Variants in CSMD1 observed in about 807,000 individuals in gnomAD.
The protein encoded by CSMD1 is CUB and Sushi multiple domains 1, also known as CUB and sushi domain-containing protein 1.
In CSMD1, 213 loss-of-function variants were observed where a neutral mutation model predicts 417.5. That is an observed-to-expected ratio of 0.51 (90% confidence interval 0.46 to 0.57). CSMD1 has a LOEUF of 0.57. CSMD1 is among the 20% of genes least tolerant of loss of function. The pLI, the probability that CSMD1 is intolerant of heterozygous loss-of-function variation, is 0.00. For synonymous variants in CSMD1, 2,862 were observed against 1,736.8 expected, an observed-to-expected ratio of 1.65 and a Z score of -16.11; for missense variants, 6,923 against 4,529.7, an observed-to-expected ratio of 1.53 and a Z score of -15.17.
intron 1 of CSMD1, among the ~76,000 whole-genome samples, chr8:4,847,420 C>T (rs1801204464): frequency 1.3e-5 from 2 of 152,000 alleles, no homozygotes; most frequent in Admixed American, 1.3e-4. Context: ...ATTTCAAACA[C>T]TTTTGGATTT....
At chr8:4,282,025 T>G (rs1186159193) in intron 3 of CSMD1, among the ~76,000 whole-genome samples, 3 of 152,242 alleles carry the variant, frequency 2.0e-5, no homozygotes, top group Non-Finnish European at 4.4e-5. Context: ...GAGATGTGAT[T>G]AGCCTTTGTT....
rs374971947 is a variant in CSMD1, at chr8:3,380,253, G to C, written c.2782+7241C>G. ...GTCAGGAAACAACAGATGCTGGAGA[G>C]GCTGTGGAGAAACAGGAACACTTTT... On this transcript the variant is annotated intron_variant, in intron 18 of 69. Coordinates refer to ENST00000635120, the MANE Select transcript of CSMD1 (RefSeq NM_033225.6). 3.3e-5 allele frequency among the ~76,000 whole-genome samples: 5 copies of C among 152,308 alleles called. No homozygotes were observed. In the South Asian group the frequency reaches 8.3e-4, roughly 25 times the overall value.
chr8:3,110,326 C>T lies in CSMD1; in HGVS notation c.6440G>A (p.Gly2147Glu), dbSNP rs1321905212. ...GCCGTTCTGAGAAGTTACGTTGTAC[C>T]CACAAGGGGCTGCAAAGGAAACCAA... ...YPFPRCDAPC[G>E]YNVTSQNGTI... Residue 2147 changes from glycine (G) to glutamate (E), a missense_variant, in exon 43 of 70, where the codon GGG becomes GAG. Physicochemically the swap from Gly to Glu is moderately conservative, Grantham distance 98 (BLOSUM62 -2). Transcript: ENST00000635120. The T allele has an allele frequency of 6.2e-7, 1 of 1,605,858 alleles. No homozygotes were observed. Among genetic ancestry groups the T allele is most frequent in the Non-Finnish European group, 8.5e-7 (1 of 1,176,564 alleles).
At chr8:4,038,658 ATTT>A (rs1797738013) in intron 3 of CSMD1, among the ~76,000 whole-genome samples, 1 of 152,168 alleles carries the variant, frequency 6.6e-6, no homozygotes, top group East Asian at 1.9e-4. Flanking sequence ...AATTCTCTTT[ATTT>A]ATTTCCTGAG....
intron 2 of CSMD1, among the ~76,000 whole-genome samples, chr8:4,594,264 C>T (rs1270992289): frequency 1.5e-5 from 2 of 134,158 alleles, no homozygotes; most frequent in Admixed American, 1.7e-4. Context: ...AGTGCAGTGG[C>T]GTGATCTCAG....
chr8:3,479,642 T>G (rs188219597), intron 11 of CSMD1, among the ~76,000 whole-genome samples: 1 of 152,166 alleles, frequency 6.6e-6, no homozygotes, highest in Non-Finnish European at 1.5e-5. Context: ...CAGTTGCTTT[T>G]TCATCAATCT....
chr8:4,736,287 C>G (rs540026902), intron 1 of CSMD1, among the ~76,000 whole-genome samples: 3 of 152,258 alleles, frequency 2.0e-5, no homozygotes, highest in African/African-American at 7.2e-5. Context: ...ACTGCACACT[C>G]TGTTGTGTAT....
intron 10 of CSMD1, among the ~76,000 whole-genome samples, chr8:3,505,364 A>C (rs1373106425): frequency 6.6e-6 from 1 of 152,178 alleles, no homozygotes; most frequent in African/African-American, 2.4e-5. Flanking sequence ...AAAATTATAG[A>C]TCACTACATG....
At chr8:3,532,207 G>A (rs536325001) in intron 10 of CSMD1, among the ~76,000 whole-genome samples, 56 of 152,242 alleles carry the variant, frequency 3.7e-4, no homozygotes, top group African/African-American at 1.3e-3. Flanking sequence ...GTATGTCCGT[G>A]TCCTTGATTT....
chr8:4,241,764 C>A (rs952721683), intron 3 of CSMD1, among the ~76,000 whole-genome samples: 1 of 149,474 alleles, frequency 6.7e-6, no homozygotes, highest in Non-Finnish European at 1.5e-5. Flanking sequence ...AGTGCAGTGG[C>A]GTGATCTCAG....
At chr8:3,275,647 T>G (rs959553967) in intron 26 of CSMD1, among the ~76,000 whole-genome samples, 18 of 152,322 alleles carry the variant, frequency 1.2e-4, no homozygotes, top group Middle Eastern at 3.4e-3. Flanking sequence ...CTTTTTTCTC[T>G]AAACTTCCCT....
At chr8:3,625,578 G>C (rs755473073) in intron 7 of CSMD1, among the ~76,000 whole-genome samples, 3 of 151,868 alleles carry the variant, frequency 2.0e-5, no homozygotes, top group Admixed American at 6.6e-5. Context: ...CTCTCTTTTA[G>C]TTTATAGTAA....
chr8:3,684,849 A>T (rs1388320356), intron 7 of CSMD1, among the ~76,000 whole-genome samples: 2 of 152,104 alleles, frequency 1.3e-5, no homozygotes, highest in Non-Finnish European at 2.9e-5. Context: ...CACGACTCTT[A>T]TTACATTCAG....
intron 6 of CSMD1, among the ~76,000 whole-genome samples, chr8:3,752,008 A>G (rs1797366617): frequency 6.6e-6 from 1 of 152,174 alleles, no homozygotes; most frequent in Non-Finnish European, 1.5e-5. Flanking sequence ...GATAAGGATC[A>G]CTGAAGAGAA....
At chr8:4,197,627 C>T (rs1225839909) in intron 3 of CSMD1, among the ~76,000 whole-genome samples, 1 of 152,162 alleles carries the variant, frequency 6.6e-6, no homozygotes, top group Admixed American at 6.5e-5. Context: ...GCCTGAAATC[C>T]CAGCATTTTG....
chr8:4,064,202 T>C (rs150731215), intron 3 of CSMD1, among the ~76,000 whole-genome samples: 2 of 152,322 alleles, frequency 1.3e-5, no homozygotes, highest in African/African-American at 2.4e-5. Context: ...GCTTTCACCA[T>C]GGCTCAGATT....
At chr8:3,681,506 A>G (rs965080602) in intron 7 of CSMD1, among the ~76,000 whole-genome samples, 1 of 152,218 alleles carries the variant, frequency 6.6e-6, no homozygotes, top group Non-Finnish European at 1.5e-5. Flanking sequence ...CTCTTCAAGG[A>G]GAATTACAAA....
At chr8:3,713,175 T>C (rs1801626580) in intron 6 of CSMD1, among the ~76,000 whole-genome samples, 1 of 152,198 alleles carries the variant, frequency 6.6e-6, no homozygotes, top group South Asian at 2.1e-4. Context: ...CCACAATAAA[T>C]ATACCTAAGG....
At chr8:3,913,331 C>T (rs566875729) in intron 5 of CSMD1, among the ~76,000 whole-genome samples, 1 of 151,942 alleles carries the variant, frequency 6.6e-6, no homozygotes, top group African/African-American at 2.4e-5. Flanking sequence ...GAGTGAGAAT[C>T]CAAGGCCAAT....
Sources: allele counts gnomAD v4.1 joint callset (sites outside exome capture counted in the v4.1 genomes callset), GRCh38; gene constraint gnomAD v4.1.1; transcripts MANE v1.5; gene names NCBI Gene and HGNC (gene_info 2026-07-23, HGNC 2026-07-21).